The following HHIPL1 variants were observed in gnomAD, a reference collection of about 807,000 sequenced individuals.
HHIPL1 encodes HHIP-like protein 1.
A neutral mutation model predicts 61.8 loss-of-function variants in HHIPL1; 43 were observed. The ratio of observed to expected loss-of-function variants is 0.70; its 90% CI spans 0.55 to 0.90. The LOEUF (loss-of-function observed/expected upper bound fraction) is 0.90, where lower values mean the gene tolerates loss of function less well. Among genes scored for constraint, HHIPL1 ranks in the 40% least tolerant of loss-of-function variants. The probability of loss-of-function intolerance (pLI) is 0.00; values close to 1 mark genes in which losing one functional copy is unlikely to be tolerated. For synonymous variants in HHIPL1, 482 were observed against 515.8 expected (o/e 0.93, Z 0.89); for missense variants, 1,056 against 1,157.7 (o/e 0.91, Z 1.28).
At chr14:99,608,195 C>T in the HHIPL1 span, among the ~76,000 whole-genome samples, 1 of 151,884 alleles carries the variant, frequency 6.6e-6, no homozygotes, top group Non-Finnish European at 1.5e-5. Flanking sequence ...TGGGGAAAGT[C>T]GGGAAGAGGT....
rs774385532 is a variant in HHIPL1 at position 99,668,903 on chromosome 14, C to A, written c.1730+600C>A. 45 of 1,613,390 alleles carry A rather than the reference C, an allele frequency of 2.8e-5. No individual in the cohort carries two copies. The highest frequency in any genetic ancestry group is 5.0e-5 in the Admixed American group (3 of 60,014). ...GTGTGCAGCTCATTGACGTCTCAGC[C>A]GTTCATTTTACAGTGGTGGAAATGA... On this transcript the variant is annotated intron_variant, in intron 7 of 8. Coordinates refer to ENST00000330710, the MANE Select transcript of HHIPL1 (RefSeq NM_001127258.3). This position sits in a 1 kb window ranked among gnomAD's most constrained non-coding sequence, Gnocchi z 4.7.
At chr14:99,672,296 C>G (rs1566817868) in intron 7 of HHIPL1, 21 bp from the exon 8 acceptor site, 2 of 1,549,638 alleles carry the variant, frequency 1.3e-6, no homozygotes, top group Non-Finnish European at 1.7e-6. Context: ...AGACTCATAA[C>G]CTCCTGTGTG....
chr14:99,606,980 C>T, the HHIPL1 span, among the ~76,000 whole-genome samples: 3 of 151,310 alleles, frequency 2.0e-5, no homozygotes, highest in African/African-American at 7.3e-5. Flanking sequence ...GTACTCACAG[C>T]CCAACAGAAC....
the HHIPL1 span, among the ~76,000 whole-genome samples, chr14:99,632,861 A>G: frequency 6.6e-6 from 1 of 150,974 alleles, no homozygotes; most frequent in Non-Finnish European, 1.5e-5. Context: ...AACCCACATT[A>G]TGGATAAATT....
the HHIPL1 span, among the ~76,000 whole-genome samples, chr14:99,613,630 CGG>C: frequency 6.6e-6 from 1 of 151,976 alleles, no homozygotes; most frequent in East Asian, 2.0e-4. Context: ...AGTTCCAGGC[CGG>C]GCACAGTGGC....
At chr14:99,659,282 G>A (rs1041777426) in intron 3 of HHIPL1, 146 bp from the exon 4 acceptor site, 2 of 566,324 alleles carry the variant, frequency 3.5e-6, no homozygotes, top group Non-Finnish European at 5.8e-6. Flanking sequence ...AAGGCGGACA[G>A]CATCCCAGGG....
chr14:99,643,470 GC>G (rs2055779557), upstream of HHIPL1, among the ~76,000 whole-genome samples: 2 of 152,318 alleles, frequency 1.3e-5, no homozygotes, highest in East Asian at 3.9e-4. Flanking sequence ...TCTGGCTGGG[GC>G]TGGGCTGTGT....
chr14:99,665,327 G>T (rs970849038), intron 6 of HHIPL1, among the ~76,000 whole-genome samples: 1 of 152,210 alleles, frequency 6.6e-6, no homozygotes, highest in Non-Finnish European at 1.5e-5. Context: ...AGCACAGCCT[G>T]TGTGTCTGGA....
At chr14:99,637,263 A>AGAAG in the HHIPL1 span, among the ~76,000 whole-genome samples, 12 of 148,456 alleles carry the variant, frequency 8.1e-5, no homozygotes, top group African/African-American at 2.8e-4. Flanking sequence ...AAAGAAAGAA[A>AGAAG]GAAAAAGTGT....
rs370480466 is a variant in HHIPL1 at position 99,668,855 on chromosome 14, C to A, written c.1730+552C>A. On this transcript the variant is annotated intron_variant, in intron 7 of 8. Transcript: ENST00000330710. The surrounding 1 kb of genome is among the most constrained non-coding windows in gnomAD (Gnocchi z 4.7). ...AGCTGTAAGGCCAGAAGCGCCATGC[C>A]CGGCTATGTCCCAGCTCCTTCCGTG... 1.1e-5 allele frequency: 18 copies of A among 1,613,930 alleles called. No individual in the cohort carries two copies. The African/African-American group carries it at 1.7e-4, about 16-fold the overall frequency.
Position 99,660,256 on chromosome 14 carries a change from G to A in HHIPL1, c.1376-24G>A. On this transcript the variant is annotated intron_variant, in intron 4 of 8. Coordinates refer to ENST00000330710, the MANE Select transcript of HHIPL1 (RefSeq NM_001127258.3). This position sits in a 1 kb window ranked among gnomAD's most constrained non-coding sequence, Gnocchi z 4.9. ...ACCTTCCCGCCGCTGGCTCACCGAA[G>A]CTTCTCTCCCTCCCACCCCGCAGAT... The A allele has an allele frequency of 2.5e-6, 4 of 1,613,636 alleles. No individual in the cohort carries two copies. Among genetic ancestry groups the A allele is most frequent in the Non-Finnish European group, 3.4e-6 (4 of 1,179,886 alleles).
At chr14:99,648,056 TGAGCCTGTTAG>T (rs2055869719) in intron 1 of HHIPL1, among the ~76,000 whole-genome samples, 1 of 152,166 alleles carries the variant, frequency 6.6e-6, no homozygotes, top group African/African-American at 2.4e-5. Flanking sequence ...AGGCTCTTCC[TGAGCCTGTTAG>T]GAGGCAGCCC....
At chr14:99,637,212 GA>G in the HHIPL1 span, among the ~76,000 whole-genome samples, 3,152 of 105,758 alleles carry the variant, frequency 0.03, 93 homozygotes, top group Middle Eastern at 0.071. Flanking sequence ...AAGAAAGAAA[GA>G]AAGAAAGAAA....
the HHIPL1 span, among the ~76,000 whole-genome samples, chr14:99,609,255 G>A: frequency 6.6e-6 from 1 of 152,172 alleles, no homozygotes; most frequent in Non-Finnish European, 1.5e-5. Context: ...TGTCCTCTCA[G>A]AGCCCCAGTA....
At chr14:99,637,082 A>AAGAAAGAGAG in the HHIPL1 span, among the ~76,000 whole-genome samples, 1 of 121,920 alleles carries the variant, frequency 8.2e-6, no homozygotes, top group East Asian at 2.2e-4. Context: ...AAGAGAGAGA[A>AAGAAAGAGAG]AGAAAGAAAG....
At chr14:99,619,191 C>A in the HHIPL1 span, among the ~76,000 whole-genome samples, 1 of 152,144 alleles carries the variant, frequency 6.6e-6, no homozygotes, top group Non-Finnish European at 1.5e-5. Context: ...GTGGCTCACA[C>A]CTGTAATCCC....
At chr14:99,642,423 G>C (rs1428717647), upstream of HHIPL1, among the ~76,000 whole-genome samples, 1 of 152,128 alleles carries the variant, frequency 6.6e-6, no homozygotes, top group African/African-American at 2.4e-5. Flanking sequence ...TGCTGCTGAC[G>C]CATCTTTAAG....
chr14:99,680,318 G>C lies in HHIPL1; in HGVS notation c.*4692G>C, dbSNP rs951260752. 6.6e-6 allele frequency: 1 copy of C among 152,208 alleles called. No individual in the cohort carries two copies. 9.4% of individuals were successfully genotyped at this position (152,208 alleles called of 1,614,324 possible). ...TGTCATCTACACCAGTGGGTTTCAAGCTTGAGAAGAATCAAGTTCTACAGG... is the reference window on the plus strand; with the variant it reads ...TGTCATCTACACCAGTGGGTTTCAACCTTGAGAAGAATCAAGTTCTACAGG... On this transcript the variant is annotated 3_prime_UTR_variant, in exon 9 of 9. Transcript: ENST00000330710.
At chr14:99,637,174 AAGAAAGAAAGAAT>A in the HHIPL1 span, among the ~76,000 whole-genome samples, 1 of 143,338 alleles carries the variant, frequency 7.0e-6, no homozygotes, top group African/African-American at 2.6e-5. Context: ...AAGAAAAAGA[AAGAAAGAAAGAAT>A]GGAAGAAAGA....
Sources: allele counts gnomAD v4.1 joint callset (sites outside exome capture counted in the v4.1 genomes callset), GRCh38; gene constraint gnomAD v4.1.1; non-coding constraint Gnocchi (gnomAD v3.1); transcripts MANE v1.5; gene names NCBI Gene and HGNC (gene_info 2026-07-23, HGNC 2026-07-21).